SLC24A2: variants seen among roughly 807,000 people sequenced by gnomAD.
The protein encoded by SLC24A2 is solute carrier family 24 member 2, also known as sodium/potassium/calcium exchanger 2.
Under a neutral mutation model 62.0 loss-of-function variants are expected in SLC24A2, and 36 were observed. The ratio of observed to expected loss-of-function variants is 0.58; its 90% confidence interval spans 0.44 to 0.77. The LOEUF (loss-of-function observed/expected upper bound fraction) is 0.77. Among genes scored for constraint, SLC24A2 ranks in the 30% least tolerant of loss-of-function variants. SLC24A2 has a pLI of 0.00. For missense variants in SLC24A2, 846 were observed against 817.9 expected, an observed-to-expected ratio of 1.03 and a Z score of -0.42; for synonymous variants, 358 against 294.0, an observed-to-expected ratio of 1.22 and a Z score of -2.23.
At chr9:19,834,357 A>G in the SLC24A2 span, among the ~76,000 whole-genome samples, 318 of 152,266 alleles carry the variant, frequency 2.1e-3, 3 homozygotes, top group African/African-American at 6.7e-3. Context: ...TAACTAGAAT[A>G]ACCAATGCAG....
the SLC24A2 span, among the ~76,000 whole-genome samples, chr9:20,096,949 C>G: frequency 6.6e-6 from 1 of 152,228 alleles, no homozygotes; most frequent in Admixed American, 6.5e-5. Context: ...ATGACATGCA[C>G]TGAATTCTAA....
the SLC24A2 span, among the ~76,000 whole-genome samples, chr9:20,293,751 C>A: frequency 6.6e-6 from 1 of 152,182 alleles, no homozygotes; most frequent in Non-Finnish European, 1.5e-5. Flanking sequence ...CCTTCCCCAA[C>A]CCTTCTATTT....
At chr9:20,224,102 G>A in the SLC24A2 span, among the ~76,000 whole-genome samples, 3 of 151,932 alleles carry the variant, frequency 2.0e-5, no homozygotes, top group South Asian at 2.1e-4. Flanking sequence ...CCTCCAACCA[G>A]GTCCCTCCCT....
At chr9:19,712,327 T>C (rs1820738726) in intron 2 of SLC24A2, among the ~76,000 whole-genome samples, 2 of 152,204 alleles carry the variant, frequency 1.3e-5, no homozygotes. Context: ...TCCAGAACTT[T>C]AGTGAAATGA....
chr9:20,193,504 T>C, the SLC24A2 span, among the ~76,000 whole-genome samples: 1 of 151,784 alleles, frequency 6.6e-6, no homozygotes, highest in Non-Finnish European at 1.5e-5. Flanking sequence ...TTATATATAA[T>C]TTATTTTTAA....
chr9:20,304,972 T>C, the SLC24A2 span, among the ~76,000 whole-genome samples: 1 of 151,950 alleles, frequency 6.6e-6, no homozygotes, highest in Non-Finnish European at 1.5e-5. Flanking sequence ...ACCATGCCTC[T>C]ATCCAACTAC....
intron 5 of SLC24A2, 85 bp downstream of exon 5, chr9:19,597,144 G>C: frequency 2.2e-6 from 2 of 889,628 alleles, no homozygotes; most frequent in Admixed American, 1.8e-5. Context: ...CATGCAGAGA[G>C]GAAAAAAAAG....
the SLC24A2 span, among the ~76,000 whole-genome samples, chr9:20,114,856 C>T: frequency 3.4e-4 from 52 of 152,182 alleles, no homozygotes; most frequent in African/African-American, 1.2e-3. Flanking sequence ...TTCCTTCTAC[C>T]CCTGAAAGCT....
the SLC24A2 span, among the ~76,000 whole-genome samples, chr9:20,156,505 T>A: frequency 2.0e-5 from 3 of 151,800 alleles, no homozygotes; most frequent in Non-Finnish European, 2.9e-5. Context: ...CTGGATCCTA[T>A]TTGCAACATC....
At chr9:19,663,048 G>A (rs191803207) in intron 2 of SLC24A2, among the ~76,000 whole-genome samples, 8 of 152,254 alleles carry the variant, frequency 5.3e-5, no homozygotes, top group East Asian at 1.9e-4. Context: ...GCTAAGATAC[G>A]CTCTGCATTT....
the SLC24A2 span, among the ~76,000 whole-genome samples, chr9:19,917,354 G>GTTT: frequency 3.0e-4 from 42 of 140,360 alleles, no homozygotes; most frequent in South Asian, 1.1e-3. Context: ...TTTTTGTGTG[G>GTTT]TTTTTTTTTT....
the SLC24A2 span, among the ~76,000 whole-genome samples, chr9:20,181,173 T>A: frequency 6.6e-6 from 1 of 151,774 alleles, no homozygotes; most frequent in Non-Finnish European, 1.5e-5. Context: ...CAAGTTCAAA[T>A]CCTAGTTCTT....
chr9:20,004,673 T>C, the SLC24A2 span, among the ~76,000 whole-genome samples: 1 of 152,242 alleles, frequency 6.6e-6, no homozygotes, highest in East Asian at 1.9e-4. Flanking sequence ...CTTGAGGAAA[T>C]TGATTTGGTT....
At chr9:19,751,239 T>A (rs1270829084) in intron 2 of SLC24A2, among the ~76,000 whole-genome samples, 1 of 152,178 alleles carries the variant, frequency 6.6e-6, no homozygotes, top group African/African-American at 2.4e-5. Context: ...TTATCCATCT[T>A]AACTTGTTAA....
chr9:19,997,253 G>A, the SLC24A2 span, among the ~76,000 whole-genome samples: 2 of 152,184 alleles, frequency 1.3e-5, no homozygotes, highest in South Asian at 4.2e-4. Context: ...TGAGTTTAGG[G>A]AACCAGCAAA....
chr9:19,680,277 T>G (rs138236562), intron 2 of SLC24A2, among the ~76,000 whole-genome samples: 298 of 152,082 alleles, frequency 2.0e-3, no homozygotes, highest in African/African-American at 6.9e-3. Context: ...ATGATAGCAG[T>G]GGAGGAGAAC....
At chr9:19,913,769 TGAC>T in the SLC24A2 span, among the ~76,000 whole-genome samples, 1 of 152,278 alleles carries the variant, frequency 6.6e-6, no homozygotes, top group African/African-American at 2.4e-5. Flanking sequence ...CCATGGTCTA[TGAC>T]TCCACAAATC....
At chr9:20,051,693 A>G in the SLC24A2 span, among the ~76,000 whole-genome samples, 2 of 69,236 alleles carry the variant, frequency 2.9e-5, no homozygotes, top group Admixed American at 2.7e-4. Context: ...GCTTGCTCCC[A>G]GCCCAACCTT....
At chr9:20,123,335 A>G in the SLC24A2 span, among the ~76,000 whole-genome samples, 13 of 152,186 alleles carry the variant, frequency 8.5e-5, no homozygotes, top group African/African-American at 2.9e-4. Context: ...ATTTCAACAT[A>G]TAATTTTTGG....
Sources: allele counts gnomAD v4.1 joint callset (sites outside exome capture counted in the v4.1 genomes callset), GRCh38; gene constraint gnomAD v4.1.1; transcripts MANE v1.5; gene names NCBI Gene and HGNC (gene_info 2026-07-23, HGNC 2026-07-21).